PDIK1L: variants seen among roughly 807,000 people sequenced by gnomAD.
PDIK1L encodes the protein PDLIM1 interacting kinase 1 like.
Under a neutral mutation model 27.1 loss-of-function variants are expected in PDIK1L, and 9 were observed. That is an observed-to-expected ratio of 0.33 (90% CI 0.20 to 0.58). The LOEUF is 0.58. Ranked by LOEUF, PDIK1L falls within the 20% of genes least tolerant of loss-of-function variation. The pLI is 0.86. For missense variants in PDIK1L, 216 were observed against 413.2 expected (o/e 0.52, Z 4.14); for synonymous variants, 130 against 141.7 (o/e 0.92, Z 0.59).
At chr1:26,117,736 C>G (rs2087904272) in intron 2 of PDIK1L, among the ~76,000 whole-genome samples, 1 of 150,056 alleles carries the variant, frequency 6.7e-6, no homozygotes, top group Non-Finnish European at 1.5e-5. Flanking sequence ...GAACGAGACT[C>G]CATCTCCAAA....
At chr1:26,117,105 C>CACTG (rs1271653176) in intron 2 of PDIK1L, among the ~76,000 whole-genome samples, 1 of 136,442 alleles carries the variant, frequency 7.3e-6, no homozygotes, top group East Asian at 2.4e-4. Context: ...GATCTCGGCT[C>CACTG]ACTGCAACCT....
chr1:26,124,575 G>GT lies in PDIK1L; in HGVS notation c.*2001dup, dbSNP rs1452365915. 6.6e-6 allele frequency: 1 copy of GT among 152,182 alleles called. No homozygotes were observed. The highest frequency in any genetic ancestry group is 1.5e-5 in the Non-Finnish European group (1 of 68,018). 9.4% of individuals were successfully genotyped at this position (152,182 alleles called of 1,614,324 possible). On this transcript the variant is annotated 3_prime_UTR_variant, in exon 3 of 3. Transcript: ENST00000374269. ...AAATATCTATGTGCTTGGAGCCACA[G>GT]TTTCCTAAGCGCATAGTTTTTGGTC...
chr1:26,122,295 G>A lies in PDIK1L; in HGVS notation c.744G>A (p.Trp248Ter). ...TCTTTGCTCTGGGGATTATCATCTG[G>A]GCAATGCTGGAAAGGATCACATTCA... ...ADIFALGIII[W>*]AMLERITFID... Residue 248 changes from tryptophan to a stop codon, truncating the protein, a stop_gained, in exon 3 of 3, where the codon TGG becomes TGA. Coordinates refer to ENST00000374269, the MANE Select transcript of PDIK1L (RefSeq NM_152835.5). LOFTEE classifies it high-confidence loss of function. The surrounding 1 kb of genome is among the most constrained non-coding windows in gnomAD (Gnocchi z 5.4). The A allele has an allele frequency of 6.2e-7, 1 of 1,614,140 alleles. No individual in the cohort carries two copies. Among genetic ancestry groups the A allele is most frequent in the Non-Finnish European group, 8.5e-7 (1 of 1,180,016 alleles).
rs1255439492 is a variant in PDIK1L, at chr1:26,124,381, C to T, written c.*1804C>T. The T allele has an allele frequency of 1.3e-5, 2 of 152,132 alleles. No individual in the cohort carries two copies. Among genetic ancestry groups the T allele is most frequent in the African/African-American group, 4.8e-5 (2 of 41,432 alleles). 9.4% of individuals were successfully genotyped at this position (152,132 alleles called of 1,614,324 possible). On this transcript the variant is annotated 3_prime_UTR_variant, in exon 3 of 3. Coordinates refer to ENST00000374269, the MANE Select transcript of PDIK1L (RefSeq NM_152835.5). ...TAGAGGTGGAAACACACTGGAACCT[C>T]ATGATAATTGACCCTCTGGATCACC...
At chr1:26,120,333 A>C (rs1224494683) in intron 2 of PDIK1L, among the ~76,000 whole-genome samples, 1 of 152,210 alleles carries the variant, frequency 6.6e-6, no homozygotes, top group Non-Finnish European at 1.5e-5. Context: ...AGACAGAAGA[A>C]GAAAAGCATG....
Position 26,122,785 on chromosome 1 carries a change from T to C in PDIK1L, c.*208T>C. The C allele has an allele frequency of 2.3e-6, 1 of 437,112 alleles. No homozygotes were observed. The highest frequency in any genetic ancestry group is 3.8e-6 in the Non-Finnish European group (1 of 266,412). 27.1% of individuals were successfully genotyped at this position (437,112 alleles called of 1,614,324 possible). A position where few individuals can be genotyped will look rare whatever the true frequency, so the allele number is the denominator to read the frequency against. On this transcript the variant is annotated 3_prime_UTR_variant, in exon 3 of 3. Transcript: ENST00000374269. The surrounding 1 kb of genome is among the most constrained non-coding windows in gnomAD (Gnocchi z 5.4). ...CAAATGTGTATTACCAATGTGGGTG[T>C]AAATTTTTAAAAAATGATTATTGAT...
intron 2 of PDIK1L, among the ~76,000 whole-genome samples, chr1:26,120,883 C>T (rs1478132502): frequency 6.3e-5 from 9 of 142,420 alleles, no homozygotes; most frequent in Non-Finnish European, 1.2e-4. Context: ...ACCTGGGAGG[C>T]GGAGGTTGCA....
At position 26,122,590 on chromosome 1, in the gene PDIK1L, G is replaced by T. The variant is rs776433344; in HGVS notation, c.*13G>T. The stretch of plus-strand genomic sequence containing the variant: ...CTGGGAAACGTGACACATATTATTT[G>T]CAAATACCATGGATGATATGCTGCT... On this transcript the variant is annotated 3_prime_UTR_variant, in exon 3 of 3. Coordinates refer to ENST00000374269, the MANE Select transcript of PDIK1L (RefSeq NM_152835.5). The surrounding 1 kb of genome is among the most constrained non-coding windows in gnomAD (Gnocchi z 5.4). The T allele has an allele frequency of 3.1e-6, 5 of 1,590,424 alleles. No homozygotes were observed. Among genetic ancestry groups the T allele is most frequent in the Non-Finnish European group, 3.4e-6 (4 of 1,168,168 alleles).
In PDIK1L at chr1:26,123,160, G is replaced by A. The variant is rs2088020528; in HGVS notation, c.*583G>A. 1 of 150,294 alleles carries A rather than the reference G, an allele frequency of 6.7e-6. No individual in the cohort carries two copies. The highest frequency in any genetic ancestry group is 1.9e-4 in the East Asian group (1 of 5,132). The allele number at this position is 150,294 out of a possible 1,614,324, so 9.3% of individuals were successfully genotyped here. A position where few individuals can be genotyped will look rare whatever the true frequency, so the allele number is the denominator to read the frequency against. The stretch of plus-strand genomic sequence containing the variant: ...TTCCTACTCTGCCCCTCCCCCTAAT[G>A]AAATCATATTAAGTTGTTTTTTTTT... On this transcript the variant is annotated 3_prime_UTR_variant, in exon 3 of 3. Transcript: ENST00000374269.
rs775628122 is a variant in PDIK1L at position 26,122,095 on chromosome 1, T to A, written c.544T>A (p.Leu182Met). Reference protein sequence around the residue: ...ISQTRLDTSDLEPTLKVADFG... With the variant: ...ISQTRLDTSDMEPTLKVADFG... ...TCAAACCAGGTTGGATACCAGTGAC[T>A]TGGAACCTACCCTCAAAGTGGCTGA... Residue 182 changes from leucine to methionine, a missense_variant, in exon 3 of 3, where the codon TTG (leucine) becomes ATG (methionine). Leu to Met is a conservative substitution (Grantham distance 15). Transcript: ENST00000374269. This position sits in a 1 kb window ranked among gnomAD's most constrained non-coding sequence, Gnocchi z 5.4. 6.2e-7 allele frequency: 1 copy of A among 1,613,944 alleles called. No individual in the cohort carries two copies. Among genetic ancestry groups the A allele is most frequent in the East Asian group, 2.2e-5 (1 of 44,848 alleles).
chr1:26,113,616 G>C (rs1214733263), intron 1 of PDIK1L, among the ~76,000 whole-genome samples: 4 of 151,716 alleles, frequency 2.6e-5, no homozygotes, highest in Non-Finnish European at 5.9e-5. Context: ...GATAGAGTTT[G>C]GCCACTTACT....
rs2088029383 is a variant in PDIK1L, at chr1:26,123,586, C to T, written c.*1009C>T. The T allele has an allele frequency of 6.6e-6, 1 of 152,572 alleles. No homozygotes were observed. The highest frequency in any genetic ancestry group is 6.5e-5 in the Admixed American group (1 of 15,268). 9.5% of individuals were successfully genotyped at this position (152,572 alleles called of 1,614,324 possible). Reference sequence around the variant, plus strand: ...GTTGAAGAAACCAAATGAGCTCCACCCTCACTTTGCCTGCCCTGATATGAT... The same window carrying T: ...GTTGAAGAAACCAAATGAGCTCCACTCTCACTTTGCCTGCCCTGATATGAT... On this transcript the variant is annotated 3_prime_UTR_variant, in exon 3 of 3. Transcript: ENST00000374269.
At position 26,114,908 on chromosome 1, in the gene PDIK1L, C is replaced by T. The variant is rs146342456; in HGVS notation, c.285+315C>T. 9.2e-4 allele frequency among the ~76,000 whole-genome samples: 140 copies of T among 152,266 alleles called. 1 individual carries two copies. Among genetic ancestry groups the T allele is most frequent in the African/African-American group, 3.3e-3 (136 of 41,558 alleles). On this transcript the variant is annotated intron_variant, in intron 2 of 2. Coordinates refer to ENST00000374269, the MANE Select transcript of PDIK1L (RefSeq NM_152835.5). The surrounding 1 kb of genome is among the most constrained non-coding windows in gnomAD (Gnocchi z 4.8). ...TCTAATAACTTCATTTCTTTGAAATCAATAATTTTGGACTTGAGGACAGAA... is the reference window on the plus strand; with the variant it reads ...TCTAATAACTTCATTTCTTTGAAATTAATAATTTTGGACTTGAGGACAGAA...
At chr1:26,117,333 A>G (rs79378513) in intron 2 of PDIK1L, among the ~76,000 whole-genome samples, 3,541 of 152,216 alleles carry the variant, frequency 0.023, 124 homozygotes, top group East Asian at 0.11. Flanking sequence ...CGCCCAGCCA[A>G]TGCCCTGAAG....
chr1:26,122,727 T>A lies in PDIK1L; in HGVS notation c.*150T>A. 1.0e-6 allele frequency: 1 copy of A among 983,078 alleles called. No individual in the cohort carries two copies. The highest frequency in any genetic ancestry group is 1.4e-6 in the Non-Finnish European group (1 of 724,228). The allele number at this position is 983,078 out of a possible 1,614,324, so 60.9% of individuals were successfully genotyped here. A position where few individuals can be genotyped will look rare whatever the true frequency, so the allele number is the denominator to read the frequency against. ...GGATTTTTTTTTTCCTCATTTTTCT[T>A]AAATCCAAGTTGGCCGTTTTATTAG... On this transcript the variant is annotated 3_prime_UTR_variant, in exon 3 of 3. Transcript: ENST00000374269. This position sits in a 1 kb window ranked among gnomAD's most constrained non-coding sequence, Gnocchi z 5.4.
In PDIK1L at chr1:26,122,774, C is replaced by CATTTGGGTGTA. The variant is rs1303411744; in HGVS notation, c.*198_*199insTTTGGGTGTAA. The CATTTGGGTGTA allele has an allele frequency of 6.0e-6, 3 of 497,858 alleles. No homozygotes were observed. The highest frequency in any genetic ancestry group is 9.6e-6 in the Non-Finnish European group (3 of 311,932). 30.8% of individuals were successfully genotyped at this position (497,858 alleles called of 1,614,324 possible). A position where few individuals can be genotyped will look rare whatever the true frequency, so the allele number is the denominator to read the frequency against. ...TTAGTATGTTTCAAATGTGTATTAC[C>CATTTGGGTGTA]AATGTGGGTGTAAATTTTTAAAAAA... On this transcript the variant is annotated 3_prime_UTR_variant, in exon 3 of 3. Coordinates refer to ENST00000374269, the MANE Select transcript of PDIK1L (RefSeq NM_152835.5). This position sits in a 1 kb window ranked among gnomAD's most constrained non-coding sequence, Gnocchi z 5.4.
At position 26,114,480 on chromosome 1, in the gene PDIK1L, A is replaced by G; in HGVS notation, c.172A>G (p.Ser58Gly). 6.2e-7 allele frequency: 1 copy of G among 1,614,160 alleles called. No individual in the cohort carries two copies. Among genetic ancestry groups the G allele is most frequent in the Non-Finnish European group, 8.5e-7 (1 of 1,180,016 alleles). ...AGCCCTTCGTGAGTTCTGGGCACTAAGCAGTATCAAGAGCCAACATCCAAA... is the reference window on the plus strand; with the variant it reads ...AGCCCTTCGTGAGTTCTGGGCACTAGGCAGTATCAAGAGCCAACATCCAAA... ...ELALREFWALSSIKSQHPNVI... is the reference protein window; with the variant it reads ...ELALREFWALGSIKSQHPNVI... Residue 58 changes from serine (S) to glycine (G), a missense_variant, in exon 2 of 3, where the codon AGC becomes GGC. By Grantham distance (56) the Ser-to-Gly change is moderately conservative. Around this residue, in one of 2 missense-constraint regions of PDIK1L, gnomAD observed 169 missense variants for 366.0 expected, o/e 0.46. Transcript: ENST00000374269. This position sits in a 1 kb window ranked among gnomAD's most constrained non-coding sequence, Gnocchi z 4.8.
chr1:26,116,618 C>G (rs1274300081), intron 2 of PDIK1L, among the ~76,000 whole-genome samples: 2 of 152,214 alleles, frequency 1.3e-5, no homozygotes, highest in Non-Finnish European at 2.9e-5. Flanking sequence ...AAGAAACTTG[C>G]AAGTTTCCTT....
At chr1:26,118,326 TAAAC>T (rs923699714) in intron 2 of PDIK1L, among the ~76,000 whole-genome samples, 13 of 152,068 alleles carry the variant, frequency 8.5e-5, no homozygotes, top group African/African-American at 3.1e-4. Context: ...GTCTCAAAAA[TAAAC>T]AAATAAACAA....
Sources: gnomAD v4.1 joint callset for allele counts (sites outside exome capture counted in the v4.1 genomes callset) on GRCh38, gnomAD v4.1.1 for gene constraint, gnomAD v4.1.1 regional missense constraint, Gnocchi (gnomAD v3.1) non-coding constraint, MANE v1.5 for transcripts, NCBI Gene and HGNC (gene_info 2026-07-23, HGNC 2026-07-21) for gene names.